MYO9A: variants seen among roughly 807,000 people sequenced by gnomAD.
The protein encoded by MYO9A is myosin IXA.
Under a neutral mutation model 293.3 loss-of-function variants are expected in MYO9A, and 103 were observed. The observed-to-expected ratio is 0.35, with a 90% CI of 0.30 to 0.41. The LOEUF (loss-of-function observed/expected upper bound fraction) is 0.41. Ranked by LOEUF, MYO9A falls within the 10% of genes least tolerant of loss-of-function variation. MYO9A has a pLI of 1.00. For missense variants in MYO9A, 2,685 were observed against 3,033.0 expected, an observed-to-expected ratio of 0.89 and a Z score of 2.69; for synonymous variants, 1,001 against 1,035.7, an observed-to-expected ratio of 0.97 and a Z score of 0.64.
At chr15:72,112,491 T>C (rs1245808698) in intron 1 of MYO9A, among the ~76,000 whole-genome samples, 3 of 152,240 alleles carry the variant, frequency 2.0e-5, no homozygotes, top group African/African-American at 7.2e-5. Context: ...TGTTCTATCA[T>C]ATTATTTTCT....
At chr15:72,051,904 G>T (rs1445982734) in intron 1 of MYO9A, among the ~76,000 whole-genome samples, 1 of 152,198 alleles carries the variant, frequency 6.6e-6, no homozygotes, top group Non-Finnish European at 1.5e-5. Context: ...CCACCTTCAA[G>T]CCAGGGAAGG....
chr15:71,875,282 GGTT>G (rs1057430976), intron 32 of MYO9A, among the ~76,000 whole-genome samples: 1 of 151,726 alleles, frequency 6.6e-6, no homozygotes, highest in African/African-American at 2.4e-5. Context: ...TATATATTTA[GGTT>G]GTTTGCAGTC....
intron 18 of MYO9A, 147 bp downstream of exon 18, chr15:71,933,523 C>T (rs893521366): frequency 4.4e-5 from 32 of 727,468 alleles, no homozygotes; most frequent in Non-Finnish European, 6.3e-5. Context: ...AGTGTTATTT[C>T]TAAAATGGAT....
At position 71,854,498 on chromosome 15, in the gene MYO9A, A is replaced by G; in HGVS notation, c.6225T>C (p.Val2075=). ...TTATGAGCTTTTCCACTACTAAAGG[A>G]ACAGTTCGGTCTTCACTGGTCAAAC... ...LSRLTSEDRT[V]PLVVEKLINY... The change falls in exon 35 of 42, where the codon GTT becomes GTC. Residue 2075 remains valine, a synonymous_variant. Transcript: ENST00000356056. 3.7e-6 allele frequency: 6 copies of G among 1,613,738 alleles called. No homozygotes were observed. Among genetic ancestry groups the G allele is most frequent in the Non-Finnish European group, 5.1e-6 (6 of 1,179,776 alleles).
At position 71,822,897 on chromosome 15, in the gene MYO9A, G is replaced by A. The variant is rs1158968521; in HGVS notation, c.*3683C>T. 3 of 152,076 alleles carry A rather than the reference G, an allele frequency of 2.0e-5. No individual in the cohort carries two copies. Among genetic ancestry groups the A allele is most frequent in the Non-Finnish European group, 4.4e-5 (3 of 68,026 alleles). The allele number at this position is 152,076 out of a possible 1,614,324, so 9.4% of individuals were successfully genotyped here. A position where few individuals can be genotyped will look rare whatever the true frequency, so the allele number is the denominator to read the frequency against. ...ACCCTTTCAATACCCAATCAAATGTGGGAGTCATTCCAGAGAAAAGTGGTT... is the reference window on the plus strand; with the variant it reads ...ACCCTTTCAATACCCAATCAAATGTAGGAGTCATTCCAGAGAAAAGTGGTT... On this transcript the variant is annotated 3_prime_UTR_variant, in exon 42 of 42. Transcript: ENST00000356056.
chr15:72,076,816 C>T (rs1006026200), intron 1 of MYO9A, among the ~76,000 whole-genome samples: 5 of 152,054 alleles, frequency 3.3e-5, no homozygotes, highest in African/African-American at 1.2e-4. Context: ...CAAGGTCAGA[C>T]ACTACAAGAT....
chr15:72,094,242 A>C (rs1445689463), intron 1 of MYO9A, among the ~76,000 whole-genome samples: 1 of 88,588 alleles, frequency 1.1e-5, no homozygotes, highest in African/African-American at 2.6e-5. Flanking sequence ...GAGGAAGAAG[A>C]AAGAAGGAAG....
intron 1 of MYO9A, among the ~76,000 whole-genome samples, chr15:72,070,377 C>T (rs561920606): frequency 1.3e-5 from 2 of 151,320 alleles, no homozygotes; most frequent in Non-Finnish European, 1.5e-5. Flanking sequence ...TCACTTGAAC[C>T]GGAAGGCAGA....
At chr15:72,110,401 A>G (rs1056440433) in intron 1 of MYO9A, among the ~76,000 whole-genome samples, 8 of 143,010 alleles carry the variant, frequency 5.6e-5, no homozygotes, top group Non-Finnish European at 9.0e-5. Flanking sequence ...GCACCACTGC[A>G]CTCCAGCCTG....
chr15:72,066,869 C>T (rs954234392), intron 1 of MYO9A, among the ~76,000 whole-genome samples: 4 of 150,810 alleles, frequency 2.7e-5, no homozygotes, highest in Non-Finnish European at 5.9e-5. Flanking sequence ...AGCAAAACTC[C>T]GTCTCAAAAA....
At chr15:71,984,941 A>T (rs1465373036) in intron 11 of MYO9A, among the ~76,000 whole-genome samples, 1 of 152,026 alleles carries the variant, frequency 6.6e-6, no homozygotes, top group Non-Finnish European at 1.5e-5. Flanking sequence ...TGTTGTTGAG[A>T]CGCAATCTCA....
At chr15:71,915,387 A>G (rs1427797798) in intron 19 of MYO9A, among the ~76,000 whole-genome samples, 1 of 151,446 alleles carries the variant, frequency 6.6e-6, no homozygotes, top group Non-Finnish European at 1.5e-5. Flanking sequence ...TTATTTGCAC[A>G]TAATGAGTTA....
At chr15:72,088,797 T>G (rs914399397) in intron 1 of MYO9A, among the ~76,000 whole-genome samples, 3 of 152,246 alleles carry the variant, frequency 2.0e-5, no homozygotes, top group Admixed American at 6.5e-5. Flanking sequence ...ACTCAAATGT[T>G]ACTCCAGAAC....
intron 1 of MYO9A, among the ~76,000 whole-genome samples, chr15:72,098,574 G>A (rs1374872871): frequency 1.3e-5 from 2 of 152,102 alleles, no homozygotes; most frequent in East Asian, 3.8e-4. Flanking sequence ...ATGGGAAAAT[G>A]TATAACCCTA....
chr15:71,907,663 G>A (rs1225792767), intron 19 of MYO9A, among the ~76,000 whole-genome samples: 7 of 150,558 alleles, frequency 4.6e-5, no homozygotes, highest in African/African-American at 1.7e-4. Context: ...ATATCTCATT[G>A]TGGTTTTGAT....
chr15:72,107,875 T>C (rs993274062), intron 1 of MYO9A, among the ~76,000 whole-genome samples: 5 of 151,344 alleles, frequency 3.3e-5, no homozygotes, highest in South Asian at 4.1e-4. Context: ...TTTGCTACTA[T>C]TGTAGATGAC....
Position 71,826,008 on chromosome 15 carries a change from TGTTTTTTTTTTTTG to T in MYO9A, c.*558_*571del, listed in dbSNP as rs1365959676. ...CGGTTTTTTTTTGTTTTTTTTTTTTTGTTTTTTTTTTTTGTTTTTGCTTTCCCCAGAATATAACA... is the reference window on the plus strand; with the variant it reads ...CGGTTTTTTTTTGTTTTTTTTTTTTTTTTTTGCTTTCCCCAGAATATAACA... On this transcript the variant is annotated 3_prime_UTR_variant, in exon 42 of 42. Transcript: ENST00000356056. 89 of 126,614 alleles carry T rather than the reference TGTTTTTTTTTTTTG, an allele frequency of 7.0e-4. 4 individuals are homozygous for T. The highest frequency in any genetic ancestry group is 2.8e-3 in the African/African-American group (86 of 30,728). 7.8% of individuals were successfully genotyped at this position (126,614 alleles called of 1,614,324 possible).
At chr15:72,056,875 T>C (rs1033600572) in intron 1 of MYO9A, among the ~76,000 whole-genome samples, 6 of 152,062 alleles carry the variant, frequency 3.9e-5, no homozygotes, top group African/African-American at 1.4e-4. Context: ...TTTGGGAGGC[T>C]GAGGCGGGCG....
chr15:72,020,207 A>G (rs2077463808), intron 5 of MYO9A, among the ~76,000 whole-genome samples: 1 of 152,248 alleles, frequency 6.6e-6, no homozygotes, highest in Admixed American at 6.5e-5. Flanking sequence ...ATGGAAAAAT[A>G]AGGGGAGACA....
Sources: allele counts gnomAD v4.1 joint callset (sites outside exome capture counted in the v4.1 genomes callset), GRCh38; gene constraint gnomAD v4.1.1; transcripts MANE v1.5; gene names NCBI Gene and HGNC (gene_info 2026-07-23, HGNC 2026-07-21).